The following PSMD5 variants were observed in gnomAD, a reference collection of about 807,000 sequenced individuals.
The protein encoded by PSMD5 is proteasome 26S subunit, non-ATPase 5, also known as 26S proteasome non-ATPase regulatory subunit 5.
PSMD5 carries 40 observed loss-of-function variants against 52.1 expected under a neutral mutation model. The ratio of observed to expected loss-of-function variants is 0.77; its 90% CI spans 0.60 to 1.00. The LOEUF (loss-of-function observed/expected upper bound fraction) is 1.00. Among genes scored for constraint, PSMD5 ranks in the 50% least tolerant of loss-of-function variants. The pLI, the probability that PSMD5 is intolerant of heterozygous loss-of-function variation, is 0.00. For missense variants in PSMD5, 575 were observed against 605.2 expected, an observed-to-expected ratio of 0.95 and a Z score of 0.52; for synonymous variants, 211 against 226.6, an observed-to-expected ratio of 0.93 and a Z score of 0.62.
rs998581321 is a variant in PSMD5, at chr9:120,826,896, A to C, written c.683T>G (p.Ile228Arg). 8 of 1,610,248 alleles carry C rather than the reference A, an allele frequency of 5.0e-6. No individual in the cohort carries two copies. In the Admixed American group the frequency reaches 1.2e-4, roughly 24 times the overall value. The change falls in exon 6 of 10, where the codon ATA (isoleucine) becomes AGA (arginine). Residue 228 changes from isoleucine to arginine, a missense_variant. By Grantham distance (97) the Ile-to-Arg change is moderately conservative. Transcript: ENST00000210313. ...ATATGCCAGTGATGTCACCATTTCT[A>C]TACAGGTGGCTCTAAAATGTCAGAA... ...GEDVLVRATC[I>R]EMVTSLAYTH...
rs2045109231 is a variant in PSMD5, at chr9:120,824,560, C to T, written c.940G>A (p.Val314Ile). ...AAGATTCCAACTGTGTCTACAGCTACACCAATCATAGTGGGGTCCTGACTT... is the reference window on the plus strand; with the variant it reads ...AAGATTCCAACTGTGTCTACAGCTATACCAATCATAGTGGGGTCCTGACTT... ...IESQDPTMIGVAVDTVGILGS... is the reference protein window; with the variant it reads ...IESQDPTMIGIAVDTVGILGS... Residue 314 changes from valine to isoleucine, a missense_variant, in exon 7 of 10, where the codon GTA becomes ATA. By Grantham distance (29) the Val-to-Ile change is conservative. Coordinates refer to ENST00000210313, the MANE Select transcript of PSMD5 (RefSeq NM_005047.4). 26 of 1,614,050 alleles carry T rather than the reference C, an allele frequency of 1.6e-5. No homozygotes were observed. The East Asian group carries it at 5.8e-4, about 36-fold the overall frequency.
chr9:120,827,885 T>C (rs2045133425), intron 5 of PSMD5, among the ~76,000 whole-genome samples: 1 of 152,258 alleles, frequency 6.6e-6, no homozygotes, highest in African/African-American at 2.4e-5. Context: ...TGGCAGATAT[T>C]AAAGGGGATT....
rs1357708946 is a variant in PSMD5, at chr9:120,818,159, A to G, written c.1262T>C (p.Ile421Thr). The change falls in exon 10 of 10, where the codon ATT (isoleucine) becomes ACT (threonine). Residue 421 changes from isoleucine to threonine, a missense_variant. By Grantham distance (89) the Ile-to-Thr change is moderately conservative (BLOSUM62 -1). Coordinates refer to ENST00000210313, the MANE Select transcript of PSMD5 (RefSeq NM_005047.4). ...HCAALKVFTAIANQPWAQKLM... is the reference protein window; with the variant it reads ...HCAALKVFTATANQPWAQKLM... ...TTTCTGAGCCCAGGGTTGGTTTGCA[A>G]TGGCCTGAAATGGAAGGCAGAAAGA... is the stretch of plus-strand genomic sequence containing the variant. 4 of 1,609,824 alleles carry G rather than the reference A, an allele frequency of 2.5e-6. No individual in the cohort carries two copies. The African/African-American group carries it at 4.0e-5, about 16-fold the overall frequency.
chr9:120,818,725 G>C (rs388040), intron 9 of PSMD5, among the ~76,000 whole-genome samples: 2 of 137,458 alleles, frequency 1.5e-5, no homozygotes, highest in African/African-American at 5.4e-5. Flanking sequence ...TTTTAACATA[G>C]ACAAATTTTA....
At chr9:120,838,316 CT>C (rs2045212198) in intron 1 of PSMD5, among the ~76,000 whole-genome samples, 1 of 152,184 alleles carries the variant, frequency 6.6e-6, no homozygotes, top group Non-Finnish European at 1.5e-5. Context: ...GTACGTTAAA[CT>C]GCACAGTGCA....
At chr9:120,827,790 C>A (rs958478495) in intron 5 of PSMD5, among the ~76,000 whole-genome samples, 1 of 152,132 alleles carries the variant, frequency 6.6e-6, no homozygotes, top group African/African-American at 2.4e-5. Context: ...ATAATGCTAT[C>A]ATAACAGCAA....
At chr9:120,838,204 G>GGGTATATAC (rs1588072837) in intron 1 of PSMD5, among the ~76,000 whole-genome samples, 1 of 152,266 alleles carries the variant, frequency 6.6e-6, no homozygotes, top group East Asian at 1.9e-4. Flanking sequence ...ATGGTTTCAT[G>GGGTATATAC]GGTATATACA....
chr9:120,829,267 T>C lies in PSMD5; in HGVS notation c.562-59A>G, dbSNP rs80159078. The C allele has an allele frequency of 1.6e-3, 2,330 of 1,434,952 alleles. 33 individuals are homozygous for C. The African/African-American group carries it at 0.026, about 16-fold the overall frequency. The allele number at this position is 1,434,952 out of a possible 1,614,324, so 88.9% of individuals were successfully genotyped here. A position where few individuals can be genotyped will look rare whatever the true frequency, so the allele number is the denominator to read the frequency against. ...AAGGTCAAATCAGCCCTACGCCTGA[T>C]AGATCTCATTTTAAGTTAAATGTAG... On this transcript the variant is annotated intron_variant, in intron 4 of 9. Transcript: ENST00000210313.
intron 8 of PSMD5, 70 bp downstream of exon 8, chr9:120,821,285 A>G: frequency 9.8e-7 from 1 of 1,024,030 alleles, no homozygotes; most frequent in East Asian, 2.4e-5. Context: ...CACATTTATC[A>G]TGTTGATTCA....
Position 120,816,978 on chromosome 9 carries a change from A to G in PSMD5, c.*928T>C, listed in dbSNP as rs556168036. ...AGTTTAGGAATCCTTCTGATCCCCCAAAACCACAACAGGGCAAAGTTCATT... is the reference window on the plus strand; with the variant it reads ...AGTTTAGGAATCCTTCTGATCCCCCGAAACCACAACAGGGCAAAGTTCATT... On this transcript the variant is annotated 3_prime_UTR_variant, in exon 10 of 10. Coordinates refer to ENST00000210313, the MANE Select transcript of PSMD5 (RefSeq NM_005047.4). 1 of 152,330 alleles carries G rather than the reference A, an allele frequency of 6.6e-6. No individual in the cohort carries two copies. The highest frequency in any genetic ancestry group is 2.1e-4 in the South Asian group (1 of 4,826). 9.4% of individuals were successfully genotyped at this position (152,330 alleles called of 1,614,324 possible).
chr9:120,830,707 G>T (rs561634965), intron 4 of PSMD5, among the ~76,000 whole-genome samples: 2 of 152,168 alleles, frequency 1.3e-5, no homozygotes, highest in African/African-American at 4.8e-5. Context: ...ATCAATATGA[G>T]GTTAATGATA....
rs2045058039 is a variant in PSMD5, at chr9:120,818,104, T to C, written c.1317A>G (p.Glu439=). 1 of 1,614,090 alleles carries C rather than the reference T, an allele frequency of 6.2e-7. No homozygotes were observed. The highest frequency in any genetic ancestry group is 1.1e-5 in the South Asian group (1 of 91,094). ...KLMFNSPGFV[E]YVVDRSVEHD... Reference sequence around the variant, plus strand: ...GCTCCACAGACCGGTCCACCACATATTCTACAAAACCTGGACTGTTAAACA... The same window carrying C: ...GCTCCACAGACCGGTCCACCACATACTCTACAAAACCTGGACTGTTAAACA... The change falls in exon 10 of 10, where the codon GAA becomes GAG. Residue 439 remains glutamate, a synonymous_variant. Coordinates refer to ENST00000210313, the MANE Select transcript of PSMD5 (RefSeq NM_005047.4).
chr9:120,836,251 T>A (rs2045197244), intron 1 of PSMD5, among the ~76,000 whole-genome samples: 1 of 152,218 alleles, frequency 6.6e-6, no homozygotes, highest in Non-Finnish European at 1.5e-5. Context: ...ATAGACACTT[T>A]GGTTGCACAT....
intron 4 of PSMD5, among the ~76,000 whole-genome samples, chr9:120,830,473 G>A (rs2045152121): frequency 6.6e-6 from 1 of 152,224 alleles, no homozygotes. Flanking sequence ...TACCGTGAAA[G>A]CAGGGCTTGG....
chr9:120,828,805 A>T (rs1182891378), intron 5 of PSMD5, among the ~76,000 whole-genome samples: 1 of 152,232 alleles, frequency 6.6e-6, no homozygotes, highest in Non-Finnish European at 1.5e-5. Context: ...AATATTAGTA[A>T]TTCAAAATGG....
chr9:120,818,590 T>C (rs929401138), intron 9 of PSMD5, among the ~76,000 whole-genome samples: 7 of 152,232 alleles, frequency 4.6e-5, no homozygotes, highest in Non-Finnish European at 7.4e-5. Context: ...GATACTCATA[T>C]AGTGCACAAA....
intron 6 of PSMD5, 85 bp from the exon 7 acceptor site, chr9:120,824,770 G>T: frequency 8.8e-7 from 1 of 1,142,378 alleles, no homozygotes; most frequent in Non-Finnish European, 1.2e-6. Context: ...GAACAGAAAT[G>T]AACTGCAGGC....
At chr9:120,836,289 A>G (rs1348664283) in intron 1 of PSMD5, among the ~76,000 whole-genome samples, 1 of 152,142 alleles carries the variant, frequency 6.6e-6, no homozygotes, top group East Asian at 1.9e-4. Flanking sequence ...TGTGCCTTTT[A>G]AAATTTTAGC....
At chr9:120,821,499 T>C (rs763705049) in intron 7 of PSMD5, 35 bp from the exon 8 acceptor site, 27 of 1,408,032 alleles carry the variant, frequency 1.9e-5, no homozygotes, top group Non-Finnish European at 2.6e-5. Context: ...TTCTTTATTA[T>C]GGTAAAATAT....
Sources: allele counts gnomAD v4.1 joint callset (sites outside exome capture counted in the v4.1 genomes callset), GRCh38; gene constraint gnomAD v4.1.1; transcripts MANE v1.5; gene names NCBI Gene and HGNC (gene_info 2026-07-23, HGNC 2026-07-21).